Variants in TFDP2 observed in about 807,000 individuals in gnomAD.
The protein encoded by TFDP2 is transcription factor Dp-2 (E2F dimerization partner 2).
TFDP2 carries 17 observed loss-of-function variants against 59.3 expected under a neutral mutation model. The observed-to-expected ratio is 0.29, with a 90% CI of 0.20 to 0.43. TFDP2 has a LOEUF of 0.43. TFDP2 is among the 20% of genes least tolerant of loss of function. The pLI, the probability that TFDP2 is intolerant of heterozygous loss-of-function variation, is 1.00. For missense variants in TFDP2, 391 were observed against 528.8 expected (o/e 0.74, Z 2.56); for synonymous variants, 180 against 194.7 (o/e 0.92, Z 0.63).
chr3:142,131,728 G>A (rs149728990), intron 1 of TFDP2, among the ~76,000 whole-genome samples: 11 of 150,122 alleles, frequency 7.3e-5, no homozygotes, highest in East Asian at 1.9e-4. Flanking sequence ...ATGTCTGGCC[G>A]GGCACGATGT....
intron 2 of TFDP2, chr3:142,094,046 T>C: frequency 2.4e-6 from 1 of 421,948 alleles, no homozygotes; most frequent in Non-Finnish European, 4.7e-6. Flanking sequence ...TAATATCCAC[T>C]ACACTACTTG....
chr3:141,995,883 C>CAAAAAAA (rs146557075), intron 4 of TFDP2, among the ~76,000 whole-genome samples: 2 of 67,932 alleles, frequency 2.9e-5, no homozygotes, highest in Non-Finnish European at 6.2e-5. Context: ...AACTCCATTT[C>CAAAAAAA]AAAAAAAAAA....
intron 8 of TFDP2, among the ~76,000 whole-genome samples, chr3:141,970,800 G>A (rs1249918608): frequency 2.0e-5 from 3 of 152,198 alleles, no homozygotes; most frequent in South Asian, 2.1e-4. Context: ...GGTGGCTCAC[G>A]CCTGTAATCC....
chr3:142,010,024 T>G (rs2108289675), intron 3 of TFDP2, among the ~76,000 whole-genome samples: 1 of 152,210 alleles, frequency 6.6e-6, no homozygotes, highest in Middle Eastern at 3.4e-3. Context: ...CCTCACCATG[T>G]TACAGAATTC....
chr3:141,946,427 C>G lies in TFDP2; in HGVS notation c.*6086G>C, dbSNP rs964983741. The G allele has an allele frequency of 6.6e-6, 1 of 152,190 alleles. No homozygotes were observed. The highest frequency in any genetic ancestry group is 2.4e-5 in the African/African-American group (1 of 41,448). 9.4% of individuals were successfully genotyped at this position (152,190 alleles called of 1,614,324 possible). On this transcript the variant is annotated 3_prime_UTR_variant, in exon 13 of 13. Coordinates refer to ENST00000489671, the MANE Select transcript of TFDP2 (RefSeq NM_001178139.2). ...AAGCAAAAGGTAAGATGACAAGATC[C>G]GGTCTTGTCTGAGAACAGCTGCACA...
chr3:141,983,022 C>T (rs536784127), intron 6 of TFDP2, among the ~76,000 whole-genome samples: 15 of 152,180 alleles, frequency 9.9e-5, no homozygotes, highest in African/African-American at 3.6e-4. Flanking sequence ...TGATCTTATC[C>T]CCTTCATGAG....
intron 3 of TFDP2, among the ~76,000 whole-genome samples, chr3:142,019,856 G>T (rs1945456044): frequency 6.6e-6 from 1 of 152,064 alleles, no homozygotes; most frequent in Non-Finnish European, 1.5e-5. Flanking sequence ...TTTCTATTCT[G>T]CTCCACTGAT....
intron 3 of TFDP2, among the ~76,000 whole-genome samples, chr3:142,022,988 C>T (rs1164821310): frequency 6.6e-6 from 1 of 151,318 alleles, no homozygotes; most frequent in Non-Finnish European, 1.5e-5. Context: ...GGCGCAGTGG[C>T]ATGCGCCCGT....
chr3:142,088,609 T>C (rs1397822656), intron 3 of TFDP2, among the ~76,000 whole-genome samples: 3 of 137,876 alleles, frequency 2.2e-5, no homozygotes, highest in African/African-American at 6.1e-5. Flanking sequence ...GTCTTTTTTT[T>C]TTTCTTTTTT....
intron 8 of TFDP2, among the ~76,000 whole-genome samples, chr3:141,972,157 C>T (rs1002445222): frequency 2.3e-4 from 35 of 152,182 alleles, no homozygotes; most frequent in African/African-American, 7.5e-4. Context: ...ATCTGTGTGG[C>T]GTTCTGCATT....
chr3:141,973,124 T>TATATATA (rs1553761667), intron 8 of TFDP2, among the ~76,000 whole-genome samples: 61 of 55,352 alleles, frequency 1.1e-3, no homozygotes, highest in African/African-American at 3.6e-3. Context: ...TATATATATA[T>TATATATA]TTTTTTTTTT....
intron 3 of TFDP2, among the ~76,000 whole-genome samples, chr3:142,081,636 A>G (rs1424513401): frequency 1.3e-5 from 2 of 152,194 alleles, no homozygotes; most frequent in Non-Finnish European, 2.9e-5. Context: ...ATCAGAGACA[A>G]AAAAGGAGAC....
intron 3 of TFDP2, chr3:142,043,842 G>A: frequency 6.8e-7 from 1 of 1,470,138 alleles, no homozygotes; most frequent in Non-Finnish European, 9.5e-7. Flanking sequence ...TCACCTTCAG[G>A]TACAGGCTGT....
At chr3:141,959,012 T>C (rs1437380843) in intron 11 of TFDP2, among the ~76,000 whole-genome samples, 1 of 144,240 alleles carries the variant, frequency 6.9e-6, no homozygotes, top group African/African-American at 2.6e-5. Context: ...TAGAGTGCAA[T>C]GGCGATCTCA....
rs1251572332 is a variant in TFDP2 at position 141,952,465 on chromosome 3, C to T, written c.*48G>A. 6.8e-7 allele frequency: 1 copy of T among 1,471,380 alleles called. No homozygotes were observed. Among genetic ancestry groups the T allele is most frequent in the East Asian group, 2.5e-5 (1 of 40,314 alleles). 91.1% of individuals were successfully genotyped at this position (1,471,380 alleles called of 1,614,324 possible). A position where few individuals can be genotyped will look rare whatever the true frequency, so the allele number is the denominator to read the frequency against. Reference sequence around the variant, plus strand: ...ATTTCAAAAACAAGAGCTCACACTACAAACACACATGAGCATCACATATTG... The same window carrying T: ...ATTTCAAAAACAAGAGCTCACACTATAAACACACATGAGCATCACATATTG... On this transcript the variant is annotated 3_prime_UTR_variant, in exon 13 of 13. Coordinates refer to ENST00000489671, the MANE Select transcript of TFDP2 (RefSeq NM_001178139.2).
At chr3:142,107,972 C>G (rs943252678) in intron 1 of TFDP2, among the ~76,000 whole-genome samples, 2 of 152,064 alleles carry the variant, frequency 1.3e-5, no homozygotes, top group Non-Finnish European at 2.9e-5. Context: ...GAATTTTTCT[C>G]CTTTTCAATT....
chr3:142,122,566 G>T (rs1689945727), intron 1 of TFDP2, among the ~76,000 whole-genome samples: 1 of 152,282 alleles, frequency 6.6e-6, no homozygotes, highest in South Asian at 2.1e-4. Context: ...GGAAGAAATT[G>T]AACCAATGAT....
At chr3:142,064,891 CTTTAT>C (rs1202328393) in intron 3 of TFDP2, among the ~76,000 whole-genome samples, 1 of 152,082 alleles carries the variant, frequency 6.6e-6, no homozygotes, top group East Asian at 1.9e-4. Context: ...TAATATTTTC[CTTTAT>C]TTTTTGTTTT....
chr3:142,080,767 T>A (rs999167445), intron 3 of TFDP2, among the ~76,000 whole-genome samples: 2 of 151,658 alleles, frequency 1.3e-5, no homozygotes, highest in African/African-American at 2.4e-5. Flanking sequence ...CATAAAGGGG[T>A]CAATTCAGCA....
Sources: allele counts gnomAD v4.1 joint callset (sites outside exome capture counted in the v4.1 genomes callset), GRCh38; gene constraint gnomAD v4.1.1; transcripts MANE v1.5; gene names NCBI Gene and HGNC (gene_info 2026-07-23, HGNC 2026-07-21).